ZFP91: variants seen among roughly 807,000 people sequenced by gnomAD.
The protein encoded by ZFP91 is ZFP91 zinc finger protein, atypical E3 ubiquitin ligase.
ZFP91 carries 7 observed loss-of-function variants against 63.5 expected under a neutral mutation model. That is an observed-to-expected ratio of 0.11 (90% confidence interval 0.06 to 0.21). ZFP91 has a LOEUF of 0.21. Among genes scored for constraint, ZFP91 ranks in the 10% least tolerant of loss-of-function variants. The pLI is 1.00. For synonymous variants in ZFP91, 330 were observed against 272.1 expected (o/e 1.21, Z -2.10); for missense variants, 628 against 736.6 (o/e 0.85, Z 1.71).
At chr11:58,583,734 A>G (rs977566177) in intron 1 of ZFP91, among the ~76,000 whole-genome samples, 2 of 152,102 alleles carry the variant, frequency 1.3e-5, no homozygotes, top group Admixed American at 6.5e-5. Context: ...TGGTAATGTG[A>G]TTTAAAATAA....
intron 9 of ZFP91, among the ~76,000 whole-genome samples, chr11:58,616,227 CAG>C (rs541651811): frequency 1.4e-4 from 21 of 152,208 alleles, no homozygotes; most frequent in Non-Finnish European, 2.2e-4. Flanking sequence ...AAACCTGAAA[CAG>C]GGTATGATTA....
chr11:58,617,138 A>G lies in ZFP91; in HGVS notation c.1203-58A>G. On this transcript the variant is annotated intron_variant, in intron 10 of 10. Coordinates refer to ENST00000316059, the MANE Select transcript of ZFP91 (RefSeq NM_053023.5). This position sits in a 1 kb window ranked among gnomAD's most constrained non-coding sequence, Gnocchi z 4.2. The stretch of plus-strand genomic sequence containing the variant: ...CTCTAAACTCTAACCCTGATCCTGA[A>G]TAAGAGCACTCTTTATTTCTCTGTT... The G allele has an allele frequency of 1.3e-6, 2 of 1,499,508 alleles. No homozygotes were observed. Among genetic ancestry groups the G allele is most frequent in the Non-Finnish European group, 1.8e-6 (2 of 1,123,302 alleles). The allele number at this position is 1,499,508 out of a possible 1,614,324, so 92.9% of individuals were successfully genotyped here. A position where few individuals can be genotyped will look rare whatever the true frequency, so the allele number is the denominator to read the frequency against.
Position 58,579,123 on chromosome 11 carries a change from G to T in ZFP91, c.-159G>T. ...CCTTGAGTGGCAGGGGGTGGGGGGG[G>T]CGCCCTCGGAGCCGGGCGGAGGGGA... On this transcript the variant is annotated 5_prime_UTR_variant, in exon 1 of 11. Transcript: ENST00000316059. The T allele has an allele frequency of 3.8e-6, 2 of 529,664 alleles. No homozygotes were observed. Among genetic ancestry groups the T allele is most frequent in the East Asian group, 7.7e-5 (2 of 26,090 alleles). 32.8% of individuals were successfully genotyped at this position (529,664 alleles called of 1,614,324 possible). A position where few individuals can be genotyped will look rare whatever the true frequency, so the allele number is the denominator to read the frequency against.
chr11:58,583,593 G>A (rs1473206418), intron 1 of ZFP91, among the ~76,000 whole-genome samples: 1 of 152,022 alleles, frequency 6.6e-6, no homozygotes, highest in African/African-American at 2.4e-5. Context: ...TATGATGATA[G>A]AAACATTGAA....
At position 58,582,788 on chromosome 11, in the gene ZFP91, T is replaced by A. The variant is rs1174409946; in HGVS notation, c.342-2068T>A. Reference sequence around the variant, plus strand: ...TACAGTTTTTATAATCTGATGTTTATAACAACTTCTTTTCACAATGAACTA... The same window carrying A: ...TACAGTTTTTATAATCTGATGTTTAAAACAACTTCTTTTCACAATGAACTA... On this transcript the variant is annotated intron_variant, in intron 1 of 10. Coordinates refer to ENST00000316059, the MANE Select transcript of ZFP91 (RefSeq NM_053023.5). Among the ~76,000 whole-genome samples, 5 of 152,150 alleles carry A rather than the reference T, an allele frequency of 3.3e-5. No individual in the cohort carries two copies. In the East Asian group the frequency reaches 9.6e-4, roughly 29 times the overall value.
At chr11:58,609,213 T>C (rs1215546823) in intron 2 of ZFP91, among the ~76,000 whole-genome samples, 1 of 152,164 alleles carries the variant, frequency 6.6e-6, no homozygotes, top group African/African-American at 2.4e-5. Context: ...TGACAAAATA[T>C]AGGATAACAA....
intron 2 of ZFP91, among the ~76,000 whole-genome samples, chr11:58,598,828 A>G (rs1460558520): frequency 6.6e-6 from 1 of 151,774 alleles, no homozygotes; most frequent in East Asian, 1.9e-4. Context: ...AGTAAAAAAT[A>G]CTTGAAAGCA....
chr11:58,588,560 AAC>A (rs1374598026), intron 2 of ZFP91, among the ~76,000 whole-genome samples: 1 of 152,128 alleles, frequency 6.6e-6, no homozygotes. Context: ...CATAGATTTC[AAC>A]AGTTTTATTT....
chr11:58,618,727 T>C lies in ZFP91; in HGVS notation c.*1021T>C, dbSNP rs1474634378. The C allele has an allele frequency of 2.2e-6, 1 of 456,172 alleles. No homozygotes were observed. Among genetic ancestry groups the C allele is most frequent in the Admixed American group, 2.4e-5 (1 of 42,412 alleles). The allele number at this position is 456,172 out of a possible 1,614,324, so 28.3% of individuals were successfully genotyped here. A position where few individuals can be genotyped will look rare whatever the true frequency, so the allele number is the denominator to read the frequency against. ...CAGCCAGCCTCTGAAATCATAGCTCTCCAGTGGCTTTTAAAGAAAGCTGGT... is the reference window on the plus strand; with the variant it reads ...CAGCCAGCCTCTGAAATCATAGCTCCCCAGTGGCTTTTAAAGAAAGCTGGT... On this transcript the variant is annotated 3_prime_UTR_variant, in exon 11 of 11. Coordinates refer to ENST00000316059, the MANE Select transcript of ZFP91 (RefSeq NM_053023.5).
chr11:58,588,228 G>A (rs1855244865), intron 2 of ZFP91, among the ~76,000 whole-genome samples: 1 of 152,146 alleles, frequency 6.6e-6, no homozygotes, highest in Non-Finnish European at 1.5e-5. Context: ...TTATGAAATA[G>A]TGATGTTTGA....
chr11:58,620,699 TCTAA>T lies in ZFP91; in HGVS notation c.*2998_*3001del, dbSNP rs530881923. On this transcript the variant is annotated 3_prime_UTR_variant, in exon 11 of 11. Coordinates refer to ENST00000316059, the MANE Select transcript of ZFP91 (RefSeq NM_053023.5). ...AAAAGTATAATGAGTGTACTACCAA[TCTAA>T]CTAAGATTATTATAGTCTGGTTGTT... 1.9e-4 allele frequency: 29 copies of T among 152,668 alleles called. No homozygotes were observed. The highest frequency in any genetic ancestry group is 3.8e-4 in the Non-Finnish European group (26 of 68,030). 9.5% of individuals were successfully genotyped at this position (152,668 alleles called of 1,614,324 possible). A position where few individuals can be genotyped will look rare whatever the true frequency, so the allele number is the denominator to read the frequency against.
At chr11:58,588,123 C>A (rs753130369) in intron 2 of ZFP91, among the ~76,000 whole-genome samples, 14 of 152,078 alleles carry the variant, frequency 9.2e-5, no homozygotes, top group Non-Finnish European at 1.3e-4. Flanking sequence ...TTACAGAAAA[C>A]ATACTTGGAA....
chr11:58,611,020 C>G lies in ZFP91; in HGVS notation c.688C>G (p.Pro230Ala). ...AGAGGAGATACCATTCAAAGATGAT[C>G]CAAGAGATGAGACCTACAAACCCCA... The part of the protein sequence containing the change: ...SEEEIPFKDD[P>A]RDETYKPHLE... Residue 230 changes from proline (P) to alanine (A), a missense_variant, in exon 5 of 11, where the codon CCA (proline) becomes GCA (alanine). By Grantham distance (27) the Pro-to-Ala change is conservative (BLOSUM62 -1). Coordinates refer to ENST00000316059, the MANE Select transcript of ZFP91 (RefSeq NM_053023.5). The G allele has an allele frequency of 6.2e-7, 1 of 1,613,104 alleles. No homozygotes were observed. The highest frequency in any genetic ancestry group is 8.5e-7 in the Non-Finnish European group (1 of 1,179,602).
chr11:58,612,205 G>T (rs1171753222), intron 6 of ZFP91, 73 bp from the exon 7 acceptor site: 9 of 1,446,482 alleles, frequency 6.2e-6, no homozygotes, highest in Non-Finnish European at 5.8e-6. Flanking sequence ...GTGTGTGTGT[G>T]TGTCTTCAGC....
rs1230111480 is a variant in ZFP91, at chr11:58,619,343, C to T, written c.*1637C>T. On this transcript the variant is annotated 3_prime_UTR_variant, in exon 11 of 11. Coordinates refer to ENST00000316059, the MANE Select transcript of ZFP91 (RefSeq NM_053023.5). ...TACAAGGTCATACCGCCAGAAGCCC[C>T]AAATCCTATTTTGGCTCATCTTCAG... The T allele has an allele frequency of 1.3e-5, 2 of 152,198 alleles. No individual in the cohort carries two copies. The highest frequency in any genetic ancestry group is 4.8e-5 in the African/African-American group (2 of 41,432). The allele number at this position is 152,198 out of a possible 1,614,324, so 9.4% of individuals were successfully genotyped here.
At position 58,579,596 on chromosome 11, in the gene ZFP91, T is replaced by G. The variant is rs1218338506; in HGVS notation, c.315T>G (p.Val105=). The change falls in exon 1 of 11, where the codon GTT becomes GTG. Residue 105 remains valine, a synonymous_variant. Coordinates refer to ENST00000316059, the MANE Select transcript of ZFP91 (RefSeq NM_053023.5). ...AGGCCGCGAAGTCCCCGTCTCCAGT[T>G]CAGGGCAAGAAGAGTCCGCGACTCC... ...QPQAAKSPSP[V]QGKKSPRLLC... is the part of the protein sequence containing the mutation. 1 of 1,578,476 alleles carries G rather than the reference T, an allele frequency of 6.3e-7. No individual in the cohort carries two copies. Among genetic ancestry groups the G allele is most frequent in the Middle Eastern group, 1.7e-4 (1 of 5,894 alleles).
intron 2 of ZFP91, among the ~76,000 whole-genome samples, chr11:58,598,558 T>G (rs1454667681): frequency 6.6e-6 from 1 of 152,108 alleles, no homozygotes. Context: ...TTTTTTCTCT[T>G]ATTATTTATG....
rs889203657 is a variant in ZFP91 at position 58,611,826 on chromosome 11, C to T, written c.857+88C>T. 3.1e-5 allele frequency: 44 copies of T among 1,413,502 alleles called. No homozygotes were observed. In the African/African-American group the frequency reaches 5.1e-4, roughly 16 times the overall value. The allele number at this position is 1,413,502 out of a possible 1,614,324, so 87.6% of individuals were successfully genotyped here. A position where few individuals can be genotyped will look rare whatever the true frequency, so the allele number is the denominator to read the frequency against. On this transcript the variant is annotated intron_variant, in intron 6 of 10. Transcript: ENST00000316059. The stretch of plus-strand genomic sequence containing the variant: ...GTGGGAGTGTGAGGAAGGATGTTGA[C>T]GTATACATGCTTCAAAATATGTATT...
intron 1 of ZFP91, among the ~76,000 whole-genome samples, chr11:58,579,939 C>T (rs1429835905): frequency 2.0e-5 from 3 of 152,154 alleles, no homozygotes; most frequent in African/African-American, 7.2e-5. Flanking sequence ...CATCCGCACC[C>T]CCTTTGTCAC....
Sources: gnomAD v4.1 joint callset for allele counts (sites outside exome capture counted in the v4.1 genomes callset) on GRCh38, gnomAD v4.1.1 for gene constraint, Gnocchi (gnomAD v3.1) non-coding constraint, MANE v1.5 for transcripts, NCBI Gene and HGNC (gene_info 2026-07-23, HGNC 2026-07-21) for gene names.